The following QTGAL variants were observed in gnomAD, a reference collection of about 807,000 sequenced individuals.
The protein encoded by QTGAL is queuosine-tRNA galactosyltransferase, also known as BGnT-like protein 1.
At chr17:83,014,173 C>T in the QTGAL span, among the ~76,000 whole-genome samples, 9 of 152,326 alleles carry the variant, frequency 5.9e-5, no homozygotes, top group African/African-American at 1.9e-4. Context: ...CCTGTGTTTT[C>T]ATGTCTAAGG....
the QTGAL span, chr17:82,965,508 G>A: frequency 1.3e-6 from 1 of 795,788 alleles, no homozygotes. Flanking sequence ...GGGGCACCGG[G>A]AGGACCCTCA....
chr17:83,005,869 C>T, the QTGAL span: 2 of 1,379,874 alleles, frequency 1.4e-6, no homozygotes, highest in Non-Finnish European at 1.9e-6. This position sits in a 1 kb window ranked among gnomAD's most constrained non-coding sequence, Gnocchi z 5.6. Flanking sequence ...CCTGCCCGGC[C>T]CCCTCCAGCC....
At chr17:82,958,589 C>T in the QTGAL span, among the ~76,000 whole-genome samples, 2 of 152,186 alleles carry the variant, frequency 1.3e-5, no homozygotes, top group Non-Finnish European at 2.9e-5. Context: ...AGCAGAACCC[C>T]CACAGGCAAT....
At chr17:83,026,945 G>T in the QTGAL span, among the ~76,000 whole-genome samples, 1 of 145,742 alleles carries the variant, frequency 6.9e-6, no homozygotes, top group African/African-American at 2.6e-5. Context: ...ACCCACCCTC[G>T]ACAGACACAC....
the QTGAL span, chr17:83,006,661 T>C: frequency 1.0e-6 from 1 of 985,466 alleles, no homozygotes; most frequent in Non-Finnish European, 1.2e-6. The surrounding 1 kb of genome is among the most constrained non-coding windows in gnomAD (Gnocchi z 5.8). Flanking sequence ...GGCTGTGCTC[T>C]CCAGAGCATG....
the QTGAL span, among the ~76,000 whole-genome samples, chr17:83,007,834 C>T: frequency 6.6e-6 from 1 of 152,196 alleles, no homozygotes; most frequent in African/African-American, 2.4e-5. Context: ...TAATTAACCA[C>T]GAGCCACGAG....
the QTGAL span, among the ~76,000 whole-genome samples, chr17:82,946,505 A>G: frequency 6.6e-5 from 10 of 152,030 alleles, no homozygotes; most frequent in Admixed American, 2.6e-4. Context: ...GTACATTTCA[A>G]TAAAGTGTCA....
At chr17:83,004,671 C>T in the QTGAL span, among the ~76,000 whole-genome samples, 2 of 150,208 alleles carry the variant, frequency 1.3e-5, no homozygotes, top group Admixed American at 1.3e-4. Flanking sequence ...CGCCCTCCCA[C>T]CCTCCGCAGT....
At chr17:82,964,762 C>T in the QTGAL span, among the ~76,000 whole-genome samples, 12 of 98,720 alleles carry the variant, frequency 1.2e-4, no homozygotes, top group East Asian at 3.3e-4. Context: ...ACGGGGGGGA[C>T]GGGGACACGG....
At chr17:83,028,285 G>A in the QTGAL span, among the ~76,000 whole-genome samples, 1 of 151,744 alleles carries the variant, frequency 6.6e-6, no homozygotes, top group African/African-American at 2.4e-5. Context: ...AGCACTTTGG[G>A]AGGCCGAGGC....
the QTGAL span, among the ~76,000 whole-genome samples, chr17:82,996,154 A>C: frequency 5.4e-4 from 82 of 152,240 alleles, no homozygotes; most frequent in Non-Finnish European, 1.0e-3. Context: ...CTATTGTTAA[A>C]ATATCTATAC....
the QTGAL span, among the ~76,000 whole-genome samples, chr17:83,040,547 A>C: frequency 6.6e-6 from 1 of 152,256 alleles, no homozygotes; most frequent in African/African-American, 2.4e-5. Context: ...AAGTACAAAA[A>C]GAAAAATCTT....
At chr17:82,958,866 T>TGTGTGTGTACACTGGGGGTGTATG in the QTGAL span, among the ~76,000 whole-genome samples, 61 of 37,638 alleles carry the variant, frequency 1.6e-3, 1 homozygote, top group African/African-American at 4.1e-3. Context: ...GTATGGTGTG[T>TGTGTGTGTACACTGGGGGTGTATG]GTGTGTGTGT....
the QTGAL span, among the ~76,000 whole-genome samples, chr17:83,015,128 C>T: frequency 6.6e-6 from 1 of 150,802 alleles, no homozygotes; most frequent in Non-Finnish European, 1.5e-5. The surrounding 1 kb of genome is among the most constrained non-coding windows in gnomAD (Gnocchi z 4.4). Context: ...GGACCGTCTG[C>T]GGTGAGGACC....
At chr17:82,971,420 T>C in the QTGAL span, among the ~76,000 whole-genome samples, 16,454 of 152,138 alleles carry the variant, frequency 0.11, 1,085 homozygotes, top group African/African-American at 0.17. Context: ...CCTCCAAGCA[T>C]GGGCAAGCGC....
the QTGAL span, chr17:82,965,614 CT>C: frequency 3.9e-6 from 6 of 1,547,074 alleles, no homozygotes; most frequent in Non-Finnish European, 5.3e-6. Flanking sequence ...GGCCCCGAAC[CT>C]GGGGGAGGGA....
At chr17:83,007,508 G>A in the QTGAL span, among the ~76,000 whole-genome samples, 3,575 of 152,034 alleles carry the variant, frequency 0.024, 151 homozygotes, top group African/African-American at 0.083. Context: ...AGACAGAGAG[G>A]CTCAGCATCT....
At chr17:82,988,404 C>T in the QTGAL span, among the ~76,000 whole-genome samples, 1 of 152,130 alleles carries the variant, frequency 6.6e-6, no homozygotes, top group African/African-American at 2.4e-5. Flanking sequence ...TACAAAAACC[C>T]TACAAGAAAC....
chr17:82,969,292 TG>T, the QTGAL span, among the ~76,000 whole-genome samples: 342 of 151,924 alleles, frequency 2.3e-3, 1 homozygote, highest in Non-Finnish European at 4.3e-3. Flanking sequence ...TCGGAGTAGC[TG>T]GGACTACAGG....
Sources: allele counts gnomAD v4.1 joint callset (sites outside exome capture counted in the v4.1 genomes callset), GRCh38; gene constraint gnomAD v4.1.1; non-coding constraint Gnocchi (gnomAD v3.1); transcripts MANE v1.5; gene names NCBI Gene and HGNC (gene_info 2026-07-23, HGNC 2026-07-21).